Variants in CSNK1G2 observed in about 807,000 individuals in gnomAD.
CSNK1G2 encodes casein kinase I isoform gamma-2.
A neutral mutation model predicts 48.0 loss-of-function variants in CSNK1G2; 11 were observed. The ratio of observed to expected loss-of-function variants is 0.23; its 90% CI spans 0.14 to 0.38. CSNK1G2 has a LOEUF of 0.38. CSNK1G2 is among the 10% of genes least tolerant of loss of function. CSNK1G2 has a pLI of 1.00. For missense variants in CSNK1G2, 446 were observed against 595.5 expected (o/e 0.75, Z 2.61); for synonymous variants, 337 against 254.1 (o/e 1.33, Z -3.10).
rs2014351870 is a variant in CSNK1G2, at chr19:1,941,391, C to G, written c.-293C>G. 1 of 148,760 alleles carries G rather than the reference C, an allele frequency of 6.7e-6. No homozygotes were observed. The highest frequency in any genetic ancestry group is 6.7e-5 in the Admixed American group (1 of 14,978). 9.2% of individuals were successfully genotyped at this position (148,760 alleles called of 1,614,324 possible). On this transcript the variant is annotated 5_prime_UTR_variant, in exon 1 of 12. Coordinates refer to ENST00000255641, the MANE Select transcript of CSNK1G2 (RefSeq NM_001319.7). The stretch of plus-strand genomic sequence containing the variant: ...GCCGGGCCGGCCGCCCAGACGCTGC[C>G]CGCGGGCCCGGCCACGGCGGAGCCA...
intron 1 of CSNK1G2, among the ~76,000 whole-genome samples, chr19:1,948,875 G>A (rs953164131): frequency 4.6e-5 from 7 of 152,240 alleles, no homozygotes; most frequent in African/African-American, 7.2e-5. Context: ...TAGGTGCTGC[G>A]TTCTCACAGT....
rs958286339 is a variant in CSNK1G2 at position 1,980,337 on chromosome 19, G to T, written c.*134G>T. Reference sequence around the variant, plus strand: ...TGGAAGCCAGAACGCAGACTGCAGGGGCCGCGCCTGGCTCAGGCGGCCCCA... The same window carrying T: ...TGGAAGCCAGAACGCAGACTGCAGGTGCCGCGCCTGGCTCAGGCGGCCCCA... On this transcript the variant is annotated 3_prime_UTR_variant, in exon 12 of 12. Coordinates refer to ENST00000255641, the MANE Select transcript of CSNK1G2 (RefSeq NM_001319.7). 9.1e-7 allele frequency: 1 copy of T among 1,096,264 alleles called. No homozygotes were observed. The highest frequency in any genetic ancestry group is 1.6e-5 in the African/African-American group (1 of 62,994). 67.9% of individuals were successfully genotyped at this position (1,096,264 alleles called of 1,614,324 possible).
At chr19:1,964,580 T>A (rs2015304869) in intron 1 of CSNK1G2, among the ~76,000 whole-genome samples, 1 of 152,050 alleles carries the variant, frequency 6.6e-6, no homozygotes, top group Non-Finnish European at 1.5e-5. Context: ...CCACAAATCC[T>A]AGGGCCCACG....
chr19:1,979,488 T>C lies in CSNK1G2; in HGVS notation c.854-7T>C, dbSNP rs2015896995. On this transcript the variant is annotated splice_region_variant and splice_polypyrimidine_tract_variant and intron_variant, in intron 8 of 11. Transcript: ENST00000255641. ...CCGCCGAGGCCCCGCTGGCGCTCTC[T>C]CTGCAGAGGAGATGGCCACGTACCT... 1.5e-6 allele frequency: 2 copies of C among 1,343,686 alleles called. No individual in the cohort carries two copies. Among genetic ancestry groups the C allele is most frequent in the Non-Finnish European group, 2.0e-6 (2 of 1,023,058 alleles). The allele number at this position is 1,343,686 out of a possible 1,614,324, so 83.2% of individuals were successfully genotyped here.
At chr19:1,954,143 G>A (rs1185988735) in intron 1 of CSNK1G2, 10 of 429,278 alleles carry the variant, frequency 2.3e-5, no homozygotes, top group South Asian at 8.6e-5. Flanking sequence ...ACCCATTACC[G>A]GCCTAGGTCA....
In CSNK1G2 at chr19:1,980,482, A is replaced by G. The variant is rs1174185536; in HGVS notation, c.*279A>G. 2 of 500,430 alleles carry G rather than the reference A, an allele frequency of 4.0e-6. No individual in the cohort carries two copies. The highest frequency in any genetic ancestry group is 7.2e-6 in the Non-Finnish European group (2 of 279,110). The allele number at this position is 500,430 out of a possible 1,614,324, so 31.0% of individuals were successfully genotyped here. A position where few individuals can be genotyped will look rare whatever the true frequency, so the allele number is the denominator to read the frequency against. ...AAAACAAGGAAAAGAGGAAAAAAAA[A>G]ACAGAGGCCCGCCCTACCCCACTCC... On this transcript the variant is annotated 3_prime_UTR_variant, in exon 12 of 12. Coordinates refer to ENST00000255641, the MANE Select transcript of CSNK1G2 (RefSeq NM_001319.7).
At chr19:1,964,385 T>G (rs2015298559) in intron 1 of CSNK1G2, among the ~76,000 whole-genome samples, 1 of 151,902 alleles carries the variant, frequency 6.6e-6, no homozygotes, top group Admixed American at 6.6e-5. Flanking sequence ...CTAGCCAAGG[T>G]CACTGCTGGA....
rs145233574 is a variant in CSNK1G2, at chr19:1,959,812, C to T, written c.-265-9696C>T. ...GCCACCCTGGGTCCCCCAGCACCCGCCCCACCTTTAGTACCACCCTGAGTC... is the reference window on the plus strand; with the variant it reads ...GCCACCCTGGGTCCCCCAGCACCCGTCCCACCTTTAGTACCACCCTGAGTC... On this transcript the variant is annotated intron_variant, in intron 1 of 11. Transcript: ENST00000255641. Among the ~76,000 whole-genome samples the T allele has an allele frequency of 2.5e-4, 25 of 101,684 alleles. 1 individual carries two copies. The highest frequency in any genetic ancestry group is 5.1e-4 in the African/African-American group (10 of 19,518). The allele number at this position is 101,684 out of a possible 152,430, so 66.7% of individuals were successfully genotyped here. A position where few individuals can be genotyped will look rare whatever the true frequency, so the allele number is the denominator to read the frequency against.
At chr19:1,953,301 G>A (rs905458313) in intron 1 of CSNK1G2, 3 of 502,036 alleles carry the variant, frequency 6.0e-6, no homozygotes, top group Non-Finnish European at 1.2e-5. Flanking sequence ...CCACGGAGCA[G>A]GAAGCAGAGC....
intron 1 of CSNK1G2, among the ~76,000 whole-genome samples, chr19:1,965,383 C>CA (rs34605725): frequency 3.4e-3 from 473 of 138,584 alleles, no homozygotes; most frequent in Non-Finnish European, 4.4e-3. Context: ...ACTCCGTTTC[C>CA]AAAAAAAAAA....
rs1461144025 is a variant in CSNK1G2 at position 1,979,909 on chromosome 19, A to G, written c.1087-2A>G. The G allele has an allele frequency of 6.2e-7, 1 of 1,607,884 alleles. No homozygotes were observed. The highest frequency in any genetic ancestry group is 2.2e-5 in the East Asian group (1 of 44,780). On this transcript the variant is annotated splice_acceptor_variant, in intron 10 of 11. Coordinates refer to ENST00000255641, the MANE Select transcript of CSNK1G2 (RefSeq NM_001319.7). LOFTEE classifies it high-confidence loss of function. Reference sequence around the variant, plus strand: ...AGCGTGACCCCCTACTGCCCCCACCAGGCGTTGAACTCCACCAACGGGGAG... The same window carrying G: ...AGCGTGACCCCCTACTGCCCCCACCGGGCGTTGAACTCCACCAACGGGGAG...
intron 2 of CSNK1G2, chr19:1,975,019 G>A: frequency 1.0e-6 from 1 of 974,012 alleles, no homozygotes; most frequent in Non-Finnish European, 1.2e-6. Flanking sequence ...ACAGGCCTCA[G>A]ATGCTGCCAC....
rs754395841 is a variant in CSNK1G2, at chr19:1,979,683, G to A, written c.1002+40G>A. On this transcript the variant is annotated intron_variant, in intron 9 of 11. Coordinates refer to ENST00000255641, the MANE Select transcript of CSNK1G2 (RefSeq NM_001319.7). ...GCCGGTATGTGGGAGCGGGGGACCG[G>A]GAAACTGCCCTGAGGGAGATGGGAA... The A allele has an allele frequency of 6.9e-6, 11 of 1,601,604 alleles. No individual in the cohort carries two copies. In the Middle Eastern group the frequency reaches 1.5e-3, roughly 217 times the overall value.
At chr19:1,968,310 T>TCCTCCCC (rs1277440693) in intron 1 of CSNK1G2, among the ~76,000 whole-genome samples, 18 of 132,496 alleles carry the variant, frequency 1.4e-4, no homozygotes, top group Non-Finnish European at 2.6e-4. Context: ...GGCTCCTCCC[T>TCCTCCCC]CCTCCCCAGG....
intron 1 of CSNK1G2, among the ~76,000 whole-genome samples, chr19:1,946,301 A>ATTTATTTATTTATTTT (rs1414304945): frequency 2.6e-4 from 19 of 72,828 alleles, no homozygotes; most frequent in Non-Finnish European, 7.9e-4. Context: ...TTATTTATTT[A>ATTTATTTATTTATTTT]TTTTTTTTAA....
intron 1 of CSNK1G2, among the ~76,000 whole-genome samples, chr19:1,952,096 G>A (rs1283867388): frequency 1.3e-5 from 2 of 152,184 alleles, no homozygotes; most frequent in South Asian, 2.1e-4. Context: ...TGGGGGCTAG[G>A]ACTTGGCATG....
At chr19:1,960,179 C>T (rs1331343288) in intron 1 of CSNK1G2, among the ~76,000 whole-genome samples, 2 of 152,320 alleles carry the variant, frequency 1.3e-5, no homozygotes, top group Middle Eastern at 3.4e-3. Flanking sequence ...GAAGAAAAGG[C>T]GTCCTGCTTA....
chr19:1,965,209 G>C (rs181940486), intron 1 of CSNK1G2, among the ~76,000 whole-genome samples: 176 of 149,474 alleles, frequency 1.2e-3, no homozygotes, highest in East Asian at 6.4e-3. Flanking sequence ...CAGTGAAACC[G>C]CGTCTCTACT....
intron 1 of CSNK1G2, among the ~76,000 whole-genome samples, chr19:1,959,557 G>A (rs1360609999): frequency 2.2e-3 from 227 of 102,118 alleles, no homozygotes; most frequent in African/African-American, 0.011. Flanking sequence ...GCCACCTTTA[G>A]TGCCACCGTG....
Sources: allele counts gnomAD v4.1 joint callset (sites outside exome capture counted in the v4.1 genomes callset), GRCh38; gene constraint gnomAD v4.1.1; transcripts MANE v1.5; gene names NCBI Gene and HGNC (gene_info 2026-07-23, HGNC 2026-07-21).